Variants in RIT2 observed in about 807,000 individuals in gnomAD.
RIT2 encodes Ras like without CAAX 2.
In RIT2, 24 loss-of-function variants were observed where a neutral mutation model predicts 23.7. That is an observed-to-expected ratio of 1.01 (90% CI 0.73 to 1.43). The LOEUF (loss-of-function observed/expected upper bound fraction) is 1.43, where lower values mean the gene tolerates loss of function less well. Ranked by LOEUF, RIT2 falls within the 40% of genes most tolerant of loss-of-function variation. The probability of loss-of-function intolerance (pLI) is 0.00; values close to 1 mark genes in which losing one functional copy is unlikely to be tolerated. For synonymous variants in RIT2, 107 were observed against 91.1 expected, an observed-to-expected ratio of 1.17 and a Z score of -0.99; for missense variants, 236 against 266.9, an observed-to-expected ratio of 0.88 and a Z score of 0.81.
At chr18:42,863,447 G>T (rs1907383679) in intron 4 of RIT2, among the ~76,000 whole-genome samples, 1 of 152,036 alleles carries the variant, frequency 6.6e-6, no homozygotes, top group South Asian at 2.1e-4. Context: ...AACTCTGCCT[G>T]ATTTTCTTTG....
At chr18:42,763,337 C>T (rs925800468) in intron 4 of RIT2, among the ~76,000 whole-genome samples, 12 of 152,038 alleles carry the variant, frequency 7.9e-5, no homozygotes, top group African/African-American at 2.9e-4. Context: ...TGGCAGGCCC[C>T]TGTAGTCCCA....
chr18:43,060,057 T>C (rs576086455), intron 1 of RIT2, among the ~76,000 whole-genome samples: 147 of 152,256 alleles, frequency 9.7e-4, no homozygotes, highest in African/African-American at 3.1e-3. Context: ...AGTTCATCCA[T>C]GACAACACAG....
chr18:43,091,510 C>T (rs1385007509), intron 1 of RIT2, among the ~76,000 whole-genome samples: 1 of 152,048 alleles, frequency 6.6e-6, no homozygotes, highest in Non-Finnish European at 1.5e-5. Flanking sequence ...TTGGAAACCC[C>T]TTGCTTCTGA....
chr18:42,778,594 A>T (rs779355279), intron 4 of RIT2, among the ~76,000 whole-genome samples: 1 of 152,152 alleles, frequency 6.6e-6, no homozygotes, highest in Non-Finnish European at 1.5e-5. Context: ...AAGTCATTCT[A>T]TTGTTCACAG....
chr18:42,904,936 A>C (rs1274890833), intron 4 of RIT2, among the ~76,000 whole-genome samples: 1 of 152,194 alleles, frequency 6.6e-6, no homozygotes, highest in Non-Finnish European at 1.5e-5. Flanking sequence ...CAAAAACTGT[A>C]AATTCAATAA....
At chr18:42,938,777 TG>T (rs995904662) in intron 3 of RIT2, among the ~76,000 whole-genome samples, 2 of 152,264 alleles carry the variant, frequency 1.3e-5, no homozygotes, top group African/African-American at 4.8e-5. Context: ...CTTGCTCTCT[TG>T]CCCAGGGTGG....
At chr18:42,991,100 A>T (rs1358812720) in intron 2 of RIT2, among the ~76,000 whole-genome samples, 1 of 152,156 alleles carries the variant, frequency 6.6e-6, no homozygotes, top group Non-Finnish European at 1.5e-5. Context: ...AGTAAAACGC[A>T]GGAAAATCAT....
At chr18:42,945,020 C>T (rs548881042) in intron 3 of RIT2, among the ~76,000 whole-genome samples, 1 of 151,924 alleles carries the variant, frequency 6.6e-6, no homozygotes, top group South Asian at 2.1e-4. Context: ...TTATTGCATA[C>T]TAAGAAAACT....
chr18:43,109,250 T>G (rs182919830), intron 1 of RIT2, among the ~76,000 whole-genome samples: 1 of 152,190 alleles, frequency 6.6e-6, no homozygotes, highest in East Asian at 1.9e-4. Context: ...TAGAAATCAG[T>G]TTTTTCTTTA....
intron 4 of RIT2, among the ~76,000 whole-genome samples, chr18:42,881,633 C>G (rs1171049437): frequency 1.3e-5 from 2 of 152,164 alleles, no homozygotes; most frequent in Non-Finnish European, 2.9e-5. Flanking sequence ...TCTGCATACT[C>G]TGTTATCTTT....
At chr18:42,913,613 C>T (rs575573250) in intron 4 of RIT2, among the ~76,000 whole-genome samples, 100 of 151,774 alleles carry the variant, frequency 6.6e-4, no homozygotes, top group Admixed American at 2.4e-3. Context: ...ATAAGCCAGG[C>T]ACAGAAAGAC....
chr18:43,098,213 T>G (rs1207699495), intron 1 of RIT2, among the ~76,000 whole-genome samples: 1 of 151,950 alleles, frequency 6.6e-6, no homozygotes, highest in African/African-American at 2.4e-5. Context: ...GTGTTGGAAG[T>G]TGTATTAGAA....
intron 1 of RIT2, among the ~76,000 whole-genome samples, chr18:43,085,717 A>G (rs1433210567): frequency 6.6e-6 from 1 of 152,124 alleles, no homozygotes; most frequent in East Asian, 1.9e-4. Flanking sequence ...AGCATACCTT[A>G]TCCAGTGACG....
chr18:42,961,427 T>C (rs2144186666), intron 3 of RIT2, among the ~76,000 whole-genome samples: 1 of 152,314 alleles, frequency 6.6e-6, no homozygotes, highest in South Asian at 2.1e-4. Context: ...CCGAATATGA[T>C]TACACTCAGA....
intron 2 of RIT2, among the ~76,000 whole-genome samples, chr18:43,002,297 T>C (rs1430261875): frequency 6.6e-6 from 1 of 151,926 alleles, no homozygotes. Context: ...CCTGCTTTTA[T>C]TCTAGTCACA....
At chr18:42,767,949 A>G (rs1012477036) in intron 4 of RIT2, among the ~76,000 whole-genome samples, 3 of 152,078 alleles carry the variant, frequency 2.0e-5, no homozygotes, top group Admixed American at 6.6e-5. Flanking sequence ...GCCATGTGGA[A>G]CTGTAAGTCC....
At chr18:42,976,833 T>C (rs1488614446) in intron 2 of RIT2, among the ~76,000 whole-genome samples, 1 of 152,020 alleles carries the variant, frequency 6.6e-6, no homozygotes, top group Admixed American at 6.6e-5. Context: ...TAAGTAAATA[T>C]GTAGTAATTC....
intron 4 of RIT2, among the ~76,000 whole-genome samples, chr18:42,839,495 G>T (rs777508709): frequency 6.6e-6 from 1 of 152,106 alleles, no homozygotes; most frequent in South Asian, 2.1e-4. Flanking sequence ...TGACTTGAGG[G>T]CTTGATTGAC....
chr18:43,006,767 A>T (rs1911237207), intron 2 of RIT2, among the ~76,000 whole-genome samples: 1 of 151,666 alleles, frequency 6.6e-6, no homozygotes, highest in South Asian at 2.1e-4. Flanking sequence ...GAGCAAAGCT[A>T]GAGAAGACAG....
Sources: allele counts gnomAD v4.1 joint callset (sites outside exome capture counted in the v4.1 genomes callset), GRCh38; gene constraint gnomAD v4.1.1; transcripts MANE v1.5; gene names NCBI Gene and HGNC (gene_info 2026-07-23, HGNC 2026-07-21).